The following RYK variants were observed in gnomAD, a reference collection of about 807,000 sequenced individuals.
RYK encodes receptor like tyrosine kinase.
In RYK, 21 loss-of-function variants were observed where a neutral mutation model predicts 70.2. The observed-to-expected ratio is 0.30, with a 90% CI of 0.21 to 0.43. The LOEUF is 0.43. RYK is among the 20% of genes least tolerant of loss of function. The probability of loss-of-function intolerance (pLI) is 1.00; values close to 1 mark genes in which losing one functional copy is unlikely to be tolerated. For missense variants in RYK, 604 were observed against 753.3 expected (o/e 0.80, Z 2.32); for synonymous variants, 267 against 278.0 (o/e 0.96, Z 0.39).
At chr3:134,222,397 T>G in intron 2 of RYK, 21 bp downstream of exon 2, 1 of 1,612,140 alleles carries the variant, frequency 6.2e-7, no homozygotes, top group South Asian at 1.1e-5. Context: ...TCATGATGTC[T>G]GTGGTTAGCC....
intron 2 of RYK, among the ~76,000 whole-genome samples, chr3:134,220,884 A>C (rs557870053): frequency 2.0e-5 from 3 of 152,312 alleles, no homozygotes; most frequent in Admixed American, 2.0e-4. Context: ...GTAATGGTGA[A>C]GGGAAGCATT....
rs1409435064 is a variant in RYK, at chr3:134,188,624, TTTAACAGA to T, written c.1102+205_1102+212del. 2.4e-4 allele frequency among the ~76,000 whole-genome samples: 37 copies of T among 152,376 alleles called. No individual in the cohort carries two copies. In the South Asian group the frequency reaches 2.5e-3, roughly 10 times the overall value. On this transcript the variant is annotated intron_variant, in intron 9 of 14. Coordinates refer to ENST00000623711, the MANE Select transcript of RYK (RefSeq NM_002958.4). ...ATCTAAGAAATGTCTTATGTCTTAA[TTTAACAGA>T]CTTCTGTTTTTCTATACTTAATGAG...
chr3:134,241,015 G>C (rs1245296290), intron 1 of RYK, among the ~76,000 whole-genome samples: 2 of 151,946 alleles, frequency 1.3e-5, no homozygotes, highest in East Asian at 3.9e-4. Flanking sequence ...ACAAACACAT[G>C]CATATGCACA....
In RYK at chr3:134,209,543, G is replaced by T. The variant is rs143780172; in HGVS notation, c.589+152C>A. ...AGATTCTTGGCTACCAACCATCTGG[G>T]ATTATCTCAAAACTTCACCTGCCAG... On this transcript the variant is annotated intron_variant, in intron 4 of 14. Transcript: ENST00000623711. Among the ~76,000 whole-genome samples, 1,358 of 152,262 alleles carry T rather than the reference G, an allele frequency of 8.9e-3. 14 individuals are homozygous for T. The highest frequency in any genetic ancestry group is 0.041 in the Middle Eastern group (12 of 294).
chr3:134,206,281 G>C (rs891563980), intron 5 of RYK, among the ~76,000 whole-genome samples: 7 of 152,250 alleles, frequency 4.6e-5, no homozygotes, highest in African/African-American at 1.7e-4. Context: ...AAAAGAGTTG[G>C]TTCTAAATCT....
chr3:134,249,037 A>G (rs940852564), intron 1 of RYK, among the ~76,000 whole-genome samples: 2 of 152,174 alleles, frequency 1.3e-5, no homozygotes, highest in African/African-American at 2.4e-5. Context: ...CACAAGCTAT[A>G]TAAGTGCTTT....
intron 1 of RYK, among the ~76,000 whole-genome samples, chr3:134,248,195 A>C (rs540747529): frequency 6.6e-6 from 1 of 152,290 alleles, no homozygotes; most frequent in East Asian, 1.9e-4. Context: ...GGTCAACCCT[A>C]TTTGCACTAG....
chr3:134,193,385 G>T (rs192516608), intron 7 of RYK, among the ~76,000 whole-genome samples: 1 of 152,030 alleles, frequency 6.6e-6, no homozygotes, highest in African/African-American at 2.4e-5. Flanking sequence ...GGGTTTCACC[G>T]TGTTAGCCAG....
chr3:134,191,099 T>C (rs2013627529), intron 8 of RYK, among the ~76,000 whole-genome samples: 1 of 152,204 alleles, frequency 6.6e-6, no homozygotes, highest in South Asian at 2.1e-4. Flanking sequence ...ATCCAAAGCA[T>C]TCCAAACTGA....
rs139660876 is a variant in RYK, at chr3:134,175,595, G to A, written c.1575+14C>T. ...TTCTCTATTCTTTTGCTATCTGGGG[G>A]TCCCGGCACTTACCACATCACTAGC... On this transcript the variant is annotated intron_variant, in intron 13 of 14. Coordinates refer to ENST00000623711, the MANE Select transcript of RYK (RefSeq NM_002958.4). 1,291 of 1,611,074 alleles carry A rather than the reference G, an allele frequency of 8.0e-4. 10 individuals carry two copies. In the African/African-American group the frequency reaches 0.015, roughly 19 times the overall value.
chr3:134,242,878 C>A (rs1298444597), intron 1 of RYK, among the ~76,000 whole-genome samples: 1 of 152,154 alleles, frequency 6.6e-6, no homozygotes, highest in Non-Finnish European at 1.5e-5. Flanking sequence ...ACCCTCAAAC[C>A]CACAATTGCA....
rs71624038 is a variant in RYK at position 134,249,917 on chromosome 3, G to GTTTTTTTTTTTTTTTTTTTT, written c.232+486_232+505dup. On this transcript the variant is annotated intron_variant, in intron 1 of 14. Coordinates refer to ENST00000623711, the MANE Select transcript of RYK (RefSeq NM_002958.4). The stretch of plus-strand genomic sequence containing the variant: ...TATAACCTCCCCTTCTTTCTCTCTC[G>GTTTTTTTTTTTTTTTTTTTT]TTTTTTTTTTTTTTTTTTTTTTTTT... Among the ~76,000 whole-genome samples, 9 of 93,338 alleles carry GTTTTTTTTTTTTTTTTTTTT rather than the reference G, an allele frequency of 9.6e-5. 1 individual carries two copies. Among genetic ancestry groups the GTTTTTTTTTTTTTTTTTTTT allele is most frequent in the African/African-American group, 4.2e-4 (8 of 18,904 alleles). 61.2% of individuals were successfully genotyped at this position (93,338 alleles called of 152,430 possible). A position where few individuals can be genotyped will look rare whatever the true frequency, so the allele number is the denominator to read the frequency against.
chr3:134,192,931 TG>T (rs1397811022), intron 7 of RYK, among the ~76,000 whole-genome samples: 1 of 152,224 alleles, frequency 6.6e-6, no homozygotes, highest in African/African-American at 2.4e-5. Flanking sequence ...CTTAGTTTCC[TG>T]GATCTGTGAT....
At chr3:134,193,122 C>T (rs1276812871) in intron 7 of RYK, among the ~76,000 whole-genome samples, 1 of 151,622 alleles carries the variant, frequency 6.6e-6, no homozygotes, top group East Asian at 1.9e-4. Flanking sequence ...GCCATGATTA[C>T]AAACAAGTAA....
intron 1 of RYK, among the ~76,000 whole-genome samples, chr3:134,248,086 G>T (rs961454370): frequency 3.3e-5 from 5 of 152,142 alleles, no homozygotes; most frequent in African/African-American, 4.8e-5. Flanking sequence ...AGGAGCCAAG[G>T]AATTATTTTA....
At chr3:134,242,804 G>A (rs940703984) in intron 1 of RYK, among the ~76,000 whole-genome samples, 6 of 152,310 alleles carry the variant, frequency 3.9e-5, no homozygotes, top group Admixed American at 1.3e-4. Context: ...GTGACTCACA[G>A]GGGACAGGTT....
At chr3:134,216,987 A>G (rs548612669) in intron 2 of RYK, among the ~76,000 whole-genome samples, 3 of 152,220 alleles carry the variant, frequency 2.0e-5, no homozygotes, top group African/African-American at 7.2e-5. Flanking sequence ...CTCAAAATGC[A>G]ATTAACACAA....
At chr3:134,163,941 T>C (rs76114537) in intron 13 of RYK, among the ~76,000 whole-genome samples, 13,904 of 152,280 alleles carry the variant, frequency 0.091, 1,301 homozygotes, top group South Asian at 0.32. Context: ...AAAGTCCAGT[T>C]CCTCTGTCCT....
chr3:134,184,640 T>C (rs1206243197), intron 9 of RYK, among the ~76,000 whole-genome samples: 2 of 151,832 alleles, frequency 1.3e-5, no homozygotes, highest in Non-Finnish European at 2.9e-5. Context: ...TGGTGCACAC[T>C]AGCAGTCCCA....
Sources: allele counts gnomAD v4.1 joint callset (sites outside exome capture counted in the v4.1 genomes callset), GRCh38; gene constraint gnomAD v4.1.1; transcripts MANE v1.5; gene names NCBI Gene and HGNC (gene_info 2026-07-23, HGNC 2026-07-21).